USP47: variants seen among roughly 807,000 people sequenced by gnomAD.
USP47 encodes ubiquitin carboxyl-terminal hydrolase 47.
In USP47, 35 loss-of-function variants were observed where a neutral mutation model predicts 165.1. The observed-to-expected ratio is 0.21, with a 90% CI of 0.16 to 0.28. The LOEUF is 0.28. Ranked by LOEUF, USP47 falls within the 10% of genes least tolerant of loss-of-function variation. USP47 has a pLI of 1.00. For synonymous variants in USP47, 531 were observed against 544.5 expected (o/e 0.98, Z 0.35); for missense variants, 1,277 against 1,607.4 (o/e 0.79, Z 3.52).
At chr11:11,926,644 TTCTC>T (rs1854269320) in intron 11 of USP47, among the ~76,000 whole-genome samples, 1 of 151,844 alleles carries the variant, frequency 6.6e-6, no homozygotes, top group South Asian at 2.1e-4. Flanking sequence ...TTTTTTCCTA[TTCTC>T]TATTTATTTC....
intron 1 of USP47, among the ~76,000 whole-genome samples, chr11:11,871,071 T>G (rs992589059): frequency 2.0e-5 from 3 of 152,142 alleles, no homozygotes; most frequent in African/African-American, 7.2e-5. Flanking sequence ...GTTTGATCCT[T>G]TTGAGTTTTG....
chr11:11,916,288 G>A (rs931145563), intron 8 of USP47, among the ~76,000 whole-genome samples: 2 of 152,042 alleles, frequency 1.3e-5, no homozygotes, highest in South Asian at 4.1e-4. Flanking sequence ...TCTCAAATAA[G>A]TAAATAAAAA....
intron 1 of USP47, among the ~76,000 whole-genome samples, chr11:11,871,206 A>AT (rs1850015521): frequency 6.6e-6 from 1 of 152,064 alleles, no homozygotes; most frequent in Non-Finnish European, 1.5e-5. Flanking sequence ...GATTTTAAAA[A>AT]TTCTGGTTGG....
intron 1 of USP47, among the ~76,000 whole-genome samples, chr11:11,877,337 A>G (rs1238041772): frequency 2.6e-5 from 4 of 152,218 alleles, no homozygotes; most frequent in Non-Finnish European, 5.9e-5. Context: ...ATTAAAGTAT[A>G]GGTGAAATAA....
intron 21 of USP47, 40 bp from the exon 22 acceptor site, chr11:11,948,438 G>A: frequency 6.5e-7 from 1 of 1,530,710 alleles, no homozygotes; most frequent in Non-Finnish European, 9.0e-7. Flanking sequence ...TGTTTATTCT[G>A]CTGAGACAGC....
At position 11,956,381 on chromosome 11, in the gene USP47, T is replaced by A; in HGVS notation, c.*206T>A. ...TCATGTTGTGCACTATAGTCAAATG[T>A]ACTGTAAAGTGAAAAGGGATGTGCA... On this transcript the variant is annotated 3_prime_UTR_variant, in exon 28 of 28. Coordinates refer to ENST00000527733, the MANE Select transcript of USP47 (RefSeq NM_001282659.2). 7.2e-6 allele frequency: 3 copies of A among 417,966 alleles called. No homozygotes were observed. The highest frequency in any genetic ancestry group is 1.6e-4 in the South Asian group (2 of 12,314). 25.9% of individuals were successfully genotyped at this position (417,966 alleles called of 1,614,324 possible).
intron 1 of USP47, among the ~76,000 whole-genome samples, chr11:11,847,460 T>A (rs548664935): frequency 6.6e-6 from 1 of 152,166 alleles, no homozygotes; most frequent in South Asian, 2.1e-4. Flanking sequence ...CTGTACTTGG[T>A]TGTACTCTAG....
At chr11:11,948,448 C>T in intron 21 of USP47, 30 bp from the exon 22 acceptor site, 1 of 1,555,142 alleles carries the variant, frequency 6.4e-7, no homozygotes. Context: ...GCTGAGACAG[C>T]ATGTCTAAAA....
chr11:11,875,033 T>TTGTATG (rs1491193505), intron 1 of USP47, among the ~76,000 whole-genome samples: 3,050 of 95,352 alleles, frequency 0.032, 85 homozygotes, highest in Middle Eastern at 0.045. Flanking sequence ...AATTGACTTA[T>TTGTATG]TGTGTGTGTG....
chr11:11,933,719 AT>A, intron 15 of USP47, 111 bp from the exon 16 acceptor site: 2 of 693,780 alleles, frequency 2.9e-6, no homozygotes, highest in Non-Finnish European at 4.9e-6. Context: ...AGTGATCTCA[AT>A]TATGTTCTTT....
At chr11:11,879,557 T>G (rs1042496558) in intron 1 of USP47, among the ~76,000 whole-genome samples, 1 of 152,116 alleles carries the variant, frequency 6.6e-6, no homozygotes, top group Non-Finnish European at 1.5e-5. Context: ...TGAAACTGTT[T>G]CCTTGTTTTT....
intron 8 of USP47, among the ~76,000 whole-genome samples, chr11:11,908,100 A>C (rs1324770575): frequency 6.6e-6 from 1 of 152,146 alleles, no homozygotes; most frequent in Non-Finnish European, 1.5e-5. Context: ...AAAAAACAAA[A>C]AAAGATATAG....
At chr11:11,881,326 G>A (rs1320372973) in intron 2 of USP47, among the ~76,000 whole-genome samples, 1 of 152,148 alleles carries the variant, frequency 6.6e-6, no homozygotes, top group East Asian at 1.9e-4. Flanking sequence ...TCCGGTCACA[G>A]TGCCCACTCT....
intron 17 of USP47, among the ~76,000 whole-genome samples, 194 bp downstream of exon 17, chr11:11,936,704 C>T (rs1401355528): frequency 6.6e-6 from 1 of 151,772 alleles, no homozygotes; most frequent in Non-Finnish European, 1.5e-5. Context: ...GAGTTGTGTA[C>T]ATAATTTTAA....
At position 11,903,305 on chromosome 11, in the gene USP47, T is replaced by G; in HGVS notation, c.782T>G (p.Phe261Cys). The G allele has an allele frequency of 6.2e-7, 1 of 1,612,784 alleles. No individual in the cohort carries two copies. ...HDVQELCRVM[F>C]DALEQKWKQT... ...GTACAAGAACTATGCAGAGTCATGT[T>G]TGATGCTTTGGAACAGAAATGGAAG... Residue 261 changes from phenylalanine (F) to cysteine (C), a missense_variant, in exon 7 of 28, where the codon TTT (phenylalanine) becomes TGT (cysteine). Physicochemically the swap from Phe to Cys is radical, Grantham distance 205 (BLOSUM62 -2). Coordinates refer to ENST00000527733, the MANE Select transcript of USP47 (RefSeq NM_001282659.2).
In USP47 at chr11:11,959,652, A is replaced by G. The variant is rs57936791; in HGVS notation, c.*3477A>G. 0.035 allele frequency among the ~76,000 whole-genome samples: 5,265 copies of G among 152,302 alleles called. 296 individuals are homozygous for G. Among genetic ancestry groups the G allele is most frequent in the African/African-American group, 0.12 (5,021 of 41,536 alleles). ...GAATACTGCACAAACTCAAGCATGCATTGGAGCATGTGTTACTATTTAGAA... is the reference window on the plus strand; with the variant it reads ...GAATACTGCACAAACTCAAGCATGCGTTGGAGCATGTGTTACTATTTAGAA... On this transcript the variant is annotated 3_prime_UTR_variant, in exon 28 of 28. Transcript: ENST00000527733.
chr11:11,923,203 GA>G (rs1269507963), intron 11 of USP47, among the ~76,000 whole-genome samples: 3 of 151,340 alleles, frequency 2.0e-5, no homozygotes, highest in African/African-American at 7.3e-5. Flanking sequence ...TAGTAGTCAA[GA>G]AACCAAGATT....
At chr11:11,955,718 G>A (rs573172979) in intron 27 of USP47, among the ~76,000 whole-genome samples, 48 of 152,224 alleles carry the variant, frequency 3.2e-4, no homozygotes, top group Non-Finnish European at 4.4e-4. Context: ...TAGAGCTGTT[G>A]CATGTAAAAT....
At chr11:11,873,897 G>A in intron 1 of USP47, 1 of 1,234,140 alleles carries the variant, frequency 8.1e-7, no homozygotes, top group Non-Finnish European at 1.1e-6. Context: ...GTGATAATCA[G>A]CAGAGCAAGT....
Sources: allele counts gnomAD v4.1 joint callset (sites outside exome capture counted in the v4.1 genomes callset), GRCh38; gene constraint gnomAD v4.1.1; transcripts MANE v1.5; gene names NCBI Gene and HGNC (gene_info 2026-07-23, HGNC 2026-07-21).